Variants in TNPO2 observed in about 807,000 individuals in gnomAD.
The protein encoded by TNPO2 is transportin-2.
In TNPO2, 16 loss-of-function variants were observed where a neutral mutation model predicts 111.1. The ratio of observed to expected loss-of-function variants is 0.14; its 90% CI spans 0.10 to 0.22. The LOEUF (loss-of-function observed/expected upper bound fraction) is 0.22. TNPO2 is among the 10% of genes least tolerant of loss of function. TNPO2 has a pLI of 1.00. For synonymous variants in TNPO2, 481 were observed against 475.8 expected, an observed-to-expected ratio of 1.01 and a Z score of -0.14; for missense variants, 530 against 1,173.7, an observed-to-expected ratio of 0.45 and a Z score of 8.01.
Position 12,706,205 on chromosome 19 carries a change from G to C in TNPO2, c.1659C>G (p.Leu553=). The change falls in exon 15 of 26, where the codon CTC becomes CTG. Residue 553 remains leucine (L), a synonymous_variant. Coordinates refer to ENST00000425528, the MANE Select transcript of TNPO2 (RefSeq NM_001382241.1). The surrounding 1 kb of genome is among the most constrained non-coding windows in gnomAD (Gnocchi z 7.0). ...GTLADSVGHH[L]NQPEYIQKLM... ...CGCTCTGGGGTCTCACCGGCTGGTT[G>C]AGGTGGTGGCCTACAGAGTCGGCCA... is the stretch of plus-strand genomic sequence containing the variant. 1 of 1,613,480 alleles carries C rather than the reference G, an allele frequency of 6.2e-7. No individual in the cohort carries two copies. Among genetic ancestry groups the C allele is most frequent in the Non-Finnish European group, 8.5e-7 (1 of 1,179,786 alleles).
intron 13 of TNPO2, among the ~76,000 whole-genome samples, chr19:12,709,642 G>GT (rs78853226): frequency 0.014 from 1,755 of 122,874 alleles, 14 homozygotes; most frequent in African/African-American, 0.026. Flanking sequence ...ATTTTATCAG[G>GT]TTTTTTTTTT....
Position 12,721,115 on chromosome 19 carries a change from T to C in TNPO2, c.-13-125A>G. The C allele has an allele frequency of 1.3e-6, 2 of 1,516,448 alleles. No individual in the cohort carries two copies. Among genetic ancestry groups the C allele is most frequent in the Non-Finnish European group, 1.8e-6 (2 of 1,138,444 alleles). The allele number at this position is 1,516,448 out of a possible 1,614,324, so 93.9% of individuals were successfully genotyped here. On this transcript the variant is annotated intron_variant, in intron 2 of 25. Coordinates refer to ENST00000425528, the MANE Select transcript of TNPO2 (RefSeq NM_001382241.1). The surrounding 1 kb of genome is among the most constrained non-coding windows in gnomAD (Gnocchi z 4.9). ...CGCCCTCGGCGGACAGGCGGAGGCCTCCGATCCACGCCCGCCCAAGTGCGG... is the reference window on the plus strand; with the variant it reads ...CGCCCTCGGCGGACAGGCGGAGGCCCCCGATCCACGCCCGCCCAAGTGCGG...
Position 12,718,760 on chromosome 19 carries a change from A to G in TNPO2, c.325+269T>C, listed in dbSNP as rs550104795. Among the ~76,000 whole-genome samples the G allele has an allele frequency of 2.0e-5, 3 of 152,340 alleles. No homozygotes were observed. In the South Asian group the frequency reaches 6.2e-4, roughly 32 times the overall value. ...CCGAACACAAAATTCTAGATGTTGCATGACTGTCTCAGAGCCAAGAAGGAC... is the reference window on the plus strand; with the variant it reads ...CCGAACACAAAATTCTAGATGTTGCGTGACTGTCTCAGAGCCAAGAAGGAC... On this transcript the variant is annotated intron_variant, in intron 5 of 25. Coordinates refer to ENST00000425528, the MANE Select transcript of TNPO2 (RefSeq NM_001382241.1).
intron 13 of TNPO2, among the ~76,000 whole-genome samples, chr19:12,709,810 G>T (rs1342364792): frequency 1.3e-5 from 2 of 151,990 alleles, no homozygotes; most frequent in Non-Finnish European, 2.9e-5. Context: ...GTAGAAAGAG[G>T]GTTTCCCTAT....
chr19:12,715,459 T>C lies in TNPO2; in HGVS notation c.512A>G (p.Asn171Ser), dbSNP rs1270182097. 1.2e-6 allele frequency: 2 copies of C among 1,613,906 alleles called. No individual in the cohort carries two copies. The highest frequency in any genetic ancestry group is 2.2e-5 in the South Asian group (2 of 91,072). The change falls in exon 7 of 26, where the codon AAC becomes AGC. Residue 171 changes from asparagine to serine, a missense_variant. By Grantham distance (46) the Asn-to-Ser change is conservative. Coordinates refer to ENST00000425528, the MANE Select transcript of TNPO2 (RefSeq NM_001382241.1). This position sits in a 1 kb window ranked among gnomAD's most constrained non-coding sequence, Gnocchi z 7.1. ...CTGCAGGAACTTGGGGATCATGATGTTGAGGGGCCTGTTGAGGGCGTCACT... is the reference window on the plus strand; with the variant it reads ...CTGCAGGAACTTGGGGATCATGATGCTGAGGGGCCTGTTGAGGGCGTCACT... ...LDSDALNRPL[N>S]IMIPKFLQFF...
Position 12,701,282 on chromosome 19 carries a change from C to T in TNPO2, c.*21-39G>A, listed in dbSNP as rs74668716. On this transcript the variant is annotated intron_variant, in intron 25 of 25. Transcript: ENST00000425528. This position sits in a 1 kb window ranked among gnomAD's most constrained non-coding sequence, Gnocchi z 5.0. ...AGGAAGGTCATGGCCTGGGACCTTT[C>T]GGCCCCCAAGACAGTGCTGACTTGC... is the stretch of plus-strand genomic sequence containing the variant. 1.2e-5 allele frequency: 16 copies of T among 1,355,528 alleles called. No individual in the cohort carries two copies. The highest frequency in any genetic ancestry group is 1.9e-4 in the Middle Eastern group (1 of 5,386). The allele number at this position is 1,355,528 out of a possible 1,614,324, so 84.0% of individuals were successfully genotyped here. A position where few individuals can be genotyped will look rare whatever the true frequency, so the allele number is the denominator to read the frequency against.
In TNPO2 at chr19:12,701,723, G is replaced by A. The variant is rs765673293; in HGVS notation, c.2511+29C>T. On this transcript the variant is annotated intron_variant, in intron 23 of 25. Transcript: ENST00000425528. This position sits in a 1 kb window ranked among gnomAD's most constrained non-coding sequence, Gnocchi z 5.0. ...GGGGCCGCCCGAGCCCAGCGCCCGC[G>A]CCTGCCCTCAGAGCCCAGCTGCCCC... 2.9e-5 allele frequency: 46 copies of A among 1,612,518 alleles called. No individual in the cohort carries two copies. Among genetic ancestry groups the A allele is most frequent in the South Asian group, 2.5e-4 (23 of 91,050 alleles).
rs774792516 is a variant in TNPO2 at position 12,706,106 on chromosome 19, G to A, written c.1668+90C>T. On this transcript the variant is annotated intron_variant, in intron 15 of 25. Coordinates refer to ENST00000425528, the MANE Select transcript of TNPO2 (RefSeq NM_001382241.1). The surrounding 1 kb of genome is among the most constrained non-coding windows in gnomAD (Gnocchi z 7.0). ...GTCTGCCTGTCGAGGTCACGGCCAC[G>A]TCCCTGGCGTGCAACACGGGGTTGC... The A allele has an allele frequency of 1.1e-5, 16 of 1,460,914 alleles. No individual in the cohort carries two copies. In the East Asian group the frequency reaches 1.7e-4, roughly 15 times the overall value. 90.5% of individuals were successfully genotyped at this position (1,460,914 alleles called of 1,614,324 possible).
In TNPO2 at chr19:12,701,465, G is replaced by A. The variant is rs772314518; in HGVS notation, c.2587-12C>T. ...AAGCCGTGGAGAATCTGTGGGGAGG[G>A]TGGTGGTGAGGGGTAGGCAGGGGCA... On this transcript the variant is annotated splice_polypyrimidine_tract_variant and intron_variant, in intron 24 of 25. Coordinates refer to ENST00000425528, the MANE Select transcript of TNPO2 (RefSeq NM_001382241.1). This position sits in a 1 kb window ranked among gnomAD's most constrained non-coding sequence, Gnocchi z 5.0. 1.2e-6 allele frequency: 2 copies of A among 1,611,972 alleles called. No homozygotes were observed. The highest frequency in any genetic ancestry group is 3.3e-5 in the Admixed American group (2 of 60,016).
In TNPO2 at chr19:12,711,324, A is replaced by G. The variant is rs1371466085; in HGVS notation, c.1089T>C (p.Asp363=). ...AATTCCAGTCGGACAGAGCATCATC[A>G]TCATCGTCATCCTCCGCGTCCTCGG... ...DGSEDAEDDD[D]DDALSDWNLR... The change falls in exon 12 of 26, where the codon GAT becomes GAC. Residue 363 remains aspartate, a synonymous_variant. Transcript: ENST00000425528. 10 of 1,613,962 alleles carry G rather than the reference A, an allele frequency of 6.2e-6. No homozygotes were observed. The East Asian group carries it at 2.0e-4, about 32-fold the overall frequency.
rs1177097379 is a variant in TNPO2, at chr19:12,723,309, A to G, written c.-74T>C. The G allele has an allele frequency of 1.3e-5, 2 of 152,230 alleles. No homozygotes were observed. Among genetic ancestry groups the G allele is most frequent in the East Asian group, 3.8e-4 (2 of 5,200 alleles). 9.4% of individuals were successfully genotyped at this position (152,230 alleles called of 1,614,324 possible). A position where few individuals can be genotyped will look rare whatever the true frequency, so the allele number is the denominator to read the frequency against. Reference sequence around the variant, plus strand: ...CTGGCAAGGGCAGGGTCATGAAGAAAGAAATCTTCTTGATCCTTGCGACGT... The same window carrying G: ...CTGGCAAGGGCAGGGTCATGAAGAAGGAAATCTTCTTGATCCTTGCGACGT... On this transcript the variant is annotated 5_prime_UTR_variant, in exon 2 of 26. Transcript: ENST00000425528.
At chr19:12,709,624 G>A (rs374115552) in intron 13 of TNPO2, among the ~76,000 whole-genome samples, 10 of 148,992 alleles carry the variant, frequency 6.7e-5, no homozygotes, top group South Asian at 2.1e-4. Context: ...TTACCACCAC[G>A]CCGGCTAATT....
In TNPO2 at chr19:12,705,946, C is replaced by G; in HGVS notation, c.1669-178G>C. 1 of 653,188 alleles carries G rather than the reference C, an allele frequency of 1.5e-6. No individual in the cohort carries two copies. The highest frequency in any genetic ancestry group is 2.6e-6 in the Non-Finnish European group (1 of 387,526). 40.5% of individuals were successfully genotyped at this position (653,188 alleles called of 1,614,324 possible). On this transcript the variant is annotated intron_variant, in intron 15 of 25. Coordinates refer to ENST00000425528, the MANE Select transcript of TNPO2 (RefSeq NM_001382241.1). This position sits in a 1 kb window ranked among gnomAD's most constrained non-coding sequence, Gnocchi z 7.2. The stretch of plus-strand genomic sequence containing the variant: ...TCTTCTCACCTGTCCAAGCACCGCC[C>G]GCCCCACCCCACCCCCCGGGAGCCT...
chr19:12,715,186 G>C lies in TNPO2; in HGVS notation c.649-17C>G. Reference sequence around the variant, plus strand: ...AAATAGGTGCTGCAGGGAGGAACAGGGTCAGTTGTAGGGGCCCTCAGTCCT... The same window carrying C: ...AAATAGGTGCTGCAGGGAGGAACAGCGTCAGTTGTAGGGGCCCTCAGTCCT... On this transcript the variant is annotated splice_polypyrimidine_tract_variant and intron_variant, in intron 8 of 25. Coordinates refer to ENST00000425528, the MANE Select transcript of TNPO2 (RefSeq NM_001382241.1). This position sits in a 1 kb window ranked among gnomAD's most constrained non-coding sequence, Gnocchi z 7.1. 3 of 1,613,342 alleles carry C rather than the reference G, an allele frequency of 1.9e-6. No homozygotes were observed. The highest frequency in any genetic ancestry group is 2.5e-6 in the Non-Finnish European group (3 of 1,179,480).
intron 20 of TNPO2, chr19:12,703,127 C>T: frequency 1.7e-6 from 1 of 592,442 alleles, no homozygotes; most frequent in East Asian, 2.8e-5. Context: ...ACAACAGAGG[C>T]TTCTCTGGAG....
chr19:12,702,884 G>A lies in TNPO2; in HGVS notation c.2244C>T (p.Leu748=). 3 of 1,613,928 alleles carry A rather than the reference G, an allele frequency of 1.9e-6. No homozygotes were observed. Among genetic ancestry groups the A allele is most frequent in the African/African-American group, 1.3e-5 (1 of 75,040 alleles). The part of the protein sequence containing the change: ...AEMQPYVQMV[L]NNLVEIINRP... ...GGTTAATGATTTCCACCAGGTTGTTGAGGACCATCTGCACATAAGGCTGCA... is the reference window on the plus strand; with the variant it reads ...GGTTAATGATTTCCACCAGGTTGTTAAGGACCATCTGCACATAAGGCTGCA... Residue 748 remains leucine (L), a synonymous_variant, in exon 21 of 26, where the codon CTC becomes CTT. Coordinates refer to ENST00000425528, the MANE Select transcript of TNPO2 (RefSeq NM_001382241.1). This position sits in a 1 kb window ranked among gnomAD's most constrained non-coding sequence, Gnocchi z 5.5.
Position 12,715,815 on chromosome 19 carries a change from C to A in TNPO2, c.326-76G>T. 1 of 1,157,418 alleles carries A rather than the reference C, an allele frequency of 8.6e-7. No individual in the cohort carries two copies. 71.7% of individuals were successfully genotyped at this position (1,157,418 alleles called of 1,614,324 possible). On this transcript the variant is annotated intron_variant, in intron 5 of 25. Transcript: ENST00000425528. This position sits in a 1 kb window ranked among gnomAD's most constrained non-coding sequence, Gnocchi z 7.1. ...GCACCTCCCCCTCCCACTGGACACC[C>A]CCAGTGCTGCCTTTCTGTTCCCTAG...
chr19:12,701,946 A>T lies in TNPO2; in HGVS notation c.2412-95T>A. The T allele has an allele frequency of 7.2e-7, 1 of 1,391,114 alleles. No individual in the cohort carries two copies. Among genetic ancestry groups the T allele is most frequent in the Non-Finnish European group, 1.0e-6 (1 of 979,790 alleles). The allele number at this position is 1,391,114 out of a possible 1,614,324, so 86.2% of individuals were successfully genotyped here. A position where few individuals can be genotyped will look rare whatever the true frequency, so the allele number is the denominator to read the frequency against. ...GGGGATCAGTGAGTGGGCCTGGGACATGCATCTGTGGGGGTGGGGCAGGGC... is the reference window on the plus strand; with the variant it reads ...GGGGATCAGTGAGTGGGCCTGGGACTTGCATCTGTGGGGGTGGGGCAGGGC... On this transcript the variant is annotated intron_variant, in intron 22 of 25. Transcript: ENST00000425528. This position sits in a 1 kb window ranked among gnomAD's most constrained non-coding sequence, Gnocchi z 5.0.
rs1009297913 is a variant in TNPO2 at position 12,701,551 on chromosome 19, C to T, written c.2586+47G>A. 6.2e-7 allele frequency: 1 copy of T among 1,609,184 alleles called. No homozygotes were observed. Among genetic ancestry groups the T allele is most frequent in the Non-Finnish European group, 8.5e-7 (1 of 1,175,712 alleles). ...GCCCCATTGTTACCAGATGGTCTCA[C>T]CCCTGCCTGCTCCCGGAACTAGATC... On this transcript the variant is annotated intron_variant, in intron 24 of 25. Transcript: ENST00000425528. The surrounding 1 kb of genome is among the most constrained non-coding windows in gnomAD (Gnocchi z 5.0).
Sources: allele counts gnomAD v4.1 joint callset (sites outside exome capture counted in the v4.1 genomes callset), GRCh38; gene constraint gnomAD v4.1.1; non-coding constraint Gnocchi (gnomAD v3.1); transcripts MANE v1.5; gene names NCBI Gene and HGNC (gene_info 2026-07-23, HGNC 2026-07-21).